The following KIF26B variants were observed in gnomAD, a reference collection of about 807,000 sequenced individuals.
The protein encoded by KIF26B is kinesin family member 26B.
Under a neutral mutation model 151.2 loss-of-function variants are expected in KIF26B, and 63 were observed. The ratio of observed to expected loss-of-function variants is 0.42; its 90% CI spans 0.34 to 0.51. KIF26B has a LOEUF of 0.51. Ranked by LOEUF, KIF26B falls within the 20% of genes least tolerant of loss-of-function variation. The pLI is 0.07. For synonymous variants in KIF26B, 1,357 were observed against 1,262.1 expected (o/e 1.08, Z -1.59); for missense variants, 2,813 against 2,913.6 (o/e 0.97, Z 0.79).
At chr1:245,385,664 T>C (rs1052117036) in intron 3 of KIF26B, among the ~76,000 whole-genome samples, 8 of 152,106 alleles carry the variant, frequency 5.3e-5, no homozygotes, top group Admixed American at 1.3e-4. Context: ...AGGGAAAACA[T>C]TTAAAGAGGG....
Position 245,688,679 on chromosome 1 carries a change from A to AGAGC in KIF26B, c.5698_5701dup (p.Val1901GlufsTer89). ...CACAGCGGCGGCAGCAGCGGCTACG[A>AGAGC]GAGCGTGATGCGGGACAGCGAGGCC... On this transcript the variant is annotated frameshift_variant, in exon 12 of 15. Transcript: ENST00000407071. LOFTEE classifies it high-confidence loss of function. 1 of 1,605,676 alleles carries AGAGC rather than the reference A, an allele frequency of 6.2e-7. No homozygotes were observed. The highest frequency in any genetic ancestry group is 1.1e-5 in the South Asian group (1 of 89,780).
Position 245,379,965 on chromosome 1 carries a change from C to A in KIF26B, c.999+12598C>A, listed in dbSNP as rs751342115. The stretch of plus-strand genomic sequence containing the variant: ...CAGCCTGGGCGACAGAGCAAGACTC[C>A]GTCTCAAAAAAAAAAAAAAAAAGTC... On this transcript the variant is annotated intron_variant, in intron 3 of 14. Coordinates refer to ENST00000407071, the MANE Select transcript of KIF26B (RefSeq NM_018012.4). 2.1e-5 allele frequency among the ~76,000 whole-genome samples: 3 copies of A among 144,220 alleles called. No individual in the cohort carries two copies. In the South Asian group the frequency reaches 6.5e-4, roughly 31 times the overall value. 94.6% of individuals were successfully genotyped at this position (144,220 alleles called of 152,430 possible).
chr1:245,672,875 T>C (rs1024909361), intron 10 of KIF26B, among the ~76,000 whole-genome samples: 2 of 152,164 alleles, frequency 1.3e-5, no homozygotes, highest in African/African-American at 2.4e-5. Context: ...ATCCATTGTT[T>C]TTTTTTAAAG....
chr1:245,342,495 C>T lies in KIF26B; in HGVS notation c.466-24339C>T, dbSNP rs759951945. On this transcript the variant is annotated intron_variant, in intron 2 of 14. Coordinates refer to ENST00000407071, the MANE Select transcript of KIF26B (RefSeq NM_018012.4). ...GACCGTCACCCACCGGTGGCTCCTC[C>T]GTCTATGGCCTCTAGTCATTTTGCT... is the stretch of plus-strand genomic sequence containing the variant. 2.6e-5 allele frequency among the ~76,000 whole-genome samples: 4 copies of T among 152,192 alleles called. 1 individual carries two copies. Among genetic ancestry groups the T allele is most frequent in the South Asian group, 2.1e-4 (1 of 4,830 alleles).
chr1:245,210,912 C>T (rs763596495), intron 2 of KIF26B, among the ~76,000 whole-genome samples: 21 of 152,182 alleles, frequency 1.4e-4, no homozygotes, highest in Non-Finnish European at 2.6e-4. Flanking sequence ...TGCCTCTCCA[C>T]AGCTCCACCC....
chr1:245,689,827 G>A (rs1438143853), intron 12 of KIF26B, among the ~76,000 whole-genome samples: 1 of 152,074 alleles, frequency 6.6e-6, no homozygotes, highest in African/African-American at 2.4e-5. Flanking sequence ...CAAAGTGCTG[G>A]GATTACAGGC....
chr1:245,403,377 T>C (rs1674053226), intron 3 of KIF26B, among the ~76,000 whole-genome samples: 1 of 152,200 alleles, frequency 6.6e-6, no homozygotes, highest in South Asian at 2.1e-4. Flanking sequence ...CAATTTGAGG[T>C]TCTTTATTCT....
chr1:245,328,042 ACTAT>A (rs1672028566), intron 2 of KIF26B, among the ~76,000 whole-genome samples: 1 of 152,076 alleles, frequency 6.6e-6, no homozygotes, highest in African/African-American at 2.4e-5. Flanking sequence ...CAGAGAGGGG[ACTAT>A]CTGAGTCCTG....
chr1:245,370,925 G>T (rs1201248627), intron 3 of KIF26B, among the ~76,000 whole-genome samples: 2 of 152,156 alleles, frequency 1.3e-5, no homozygotes, highest in African/African-American at 4.8e-5. Flanking sequence ...GGAAACCCTG[G>T]TTCCTGTCCT....
chr1:245,188,958 G>A (rs1405881147), intron 2 of KIF26B, among the ~76,000 whole-genome samples: 1 of 152,234 alleles, frequency 6.6e-6, no homozygotes, highest in Non-Finnish European at 1.5e-5. Context: ...AGTCACAAAG[G>A]ACAAATGTTG....
intron 4 of KIF26B, among the ~76,000 whole-genome samples, chr1:245,517,699 C>T (rs539617069): frequency 1.1e-4 from 16 of 151,984 alleles, no homozygotes; most frequent in East Asian, 7.7e-4. Flanking sequence ...TCTGCTAGCA[C>T]GGAACATATG....
At chr1:245,370,624 G>A (rs1412219547) in intron 3 of KIF26B, 1 of 456,714 alleles carries the variant, frequency 2.2e-6, no homozygotes. Flanking sequence ...AGAAGACTCG[G>A]CGGCTGCGCC....
At chr1:245,393,105 A>G (rs1033711755) in intron 3 of KIF26B, among the ~76,000 whole-genome samples, 5 of 152,196 alleles carry the variant, frequency 3.3e-5, no homozygotes, top group African/African-American at 1.2e-4. Context: ...CAGGAGGCAG[A>G]GGCTGCAGTG....
At chr1:245,557,099 A>G (rs1007968204) in intron 5 of KIF26B, among the ~76,000 whole-genome samples, 8 of 152,252 alleles carry the variant, frequency 5.3e-5, no homozygotes, top group African/African-American at 1.7e-4. Flanking sequence ...TGCCTCCACA[A>G]AAGTGCCAGG....
At chr1:245,390,743 A>G (rs1673665172) in intron 3 of KIF26B, among the ~76,000 whole-genome samples, 1 of 151,778 alleles carries the variant, frequency 6.6e-6, no homozygotes, top group South Asian at 2.1e-4. Flanking sequence ...AAAGTTTGCC[A>G]CTTAAAGGAA....
rs1281199433 is a variant in KIF26B, at chr1:245,686,301, C to T, written c.3318C>T (p.Pro1106=). 3.7e-6 allele frequency: 6 copies of T among 1,612,960 alleles called. No homozygotes were observed. The Admixed American group carries it at 8.3e-5, about 22-fold the overall frequency. ...GVLPSPAPLP[P]SSKDSGVASR... is the part of the protein sequence containing the mutation. ...TGCCGTCTCCCGCCCCACTGCCTCC[C>T]TCGAGCAAGGATTCCGGCGTGGCGT... Residue 1106 remains proline (P), a synonymous_variant, in exon 12 of 15, where the codon CCC becomes CCT. Coordinates refer to ENST00000407071, the MANE Select transcript of KIF26B (RefSeq NM_018012.4). This position sits in a 1 kb window ranked among gnomAD's most constrained non-coding sequence, Gnocchi z 5.6.
rs1553270091 is a variant in KIF26B, at chr1:245,390,951, AAC to A, written c.999+23585_999+23586del. On this transcript the variant is annotated intron_variant, in intron 3 of 14. Transcript: ENST00000407071. The stretch of plus-strand genomic sequence containing the variant: ...AAAAAAAAAAAAAAAAAAAAAAAAA[AAC>A]CACCATAAAATTTTGAGCTTTCAAT... 2.5e-3 allele frequency among the ~76,000 whole-genome samples: 173 copies of A among 69,340 alleles called. 22 individuals are homozygous for A. The highest frequency in any genetic ancestry group is 0.012 in the East Asian group (31 of 2,578). 45.5% of individuals were successfully genotyped at this position (69,340 alleles called of 152,430 possible). A position where few individuals can be genotyped will look rare whatever the true frequency, so the allele number is the denominator to read the frequency against.
chr1:245,440,338 G>A (rs904591709), intron 4 of KIF26B, among the ~76,000 whole-genome samples: 3 of 152,284 alleles, frequency 2.0e-5, no homozygotes, highest in South Asian at 2.1e-4. Flanking sequence ...TCCCTAGTCC[G>A]GATGACAAGA....
rs2043412598 is a variant in KIF26B, at chr1:245,602,846, A to G, written c.1557+63A>G. The G allele has an allele frequency of 1.3e-6, 2 of 1,484,466 alleles. No individual in the cohort carries two copies. Among genetic ancestry groups the G allele is most frequent in the Admixed American group, 1.7e-5 (1 of 59,688 alleles). 92.0% of individuals were successfully genotyped at this position (1,484,466 alleles called of 1,614,324 possible). A position where few individuals can be genotyped will look rare whatever the true frequency, so the allele number is the denominator to read the frequency against. On this transcript the variant is annotated intron_variant, in intron 6 of 14. Coordinates refer to ENST00000407071, the MANE Select transcript of KIF26B (RefSeq NM_018012.4). This position sits in a 1 kb window ranked among gnomAD's most constrained non-coding sequence, Gnocchi z 4.5. ...ATGAAAGGGCAACGTTTACTCATTC[A>G]CAAGGGCCCTTGAGCTGGGAGGGTG...
Sources: allele counts gnomAD v4.1 joint callset (sites outside exome capture counted in the v4.1 genomes callset), GRCh38; gene constraint gnomAD v4.1.1; non-coding constraint Gnocchi (gnomAD v3.1); transcripts MANE v1.5; gene names NCBI Gene and HGNC (gene_info 2026-07-23, HGNC 2026-07-21).